PITPNM3: variants seen among roughly 807,000 people sequenced by gnomAD.
PITPNM3 encodes the protein PITPNM family member 3.
A neutral mutation model predicts 102.0 loss-of-function variants in PITPNM3; 26 were observed. The ratio of observed to expected loss-of-function variants is 0.25; its 90% CI spans 0.19 to 0.35. The LOEUF is 0.35. Among genes scored for constraint, PITPNM3 ranks in the 10% least tolerant of loss-of-function variants. The probability of loss-of-function intolerance (pLI) is 1.00; values close to 1 mark genes in which losing one functional copy is unlikely to be tolerated. For synonymous variants in PITPNM3, 578 were observed against 558.6 expected (o/e 1.03, Z -0.49); for missense variants, 1,083 against 1,346.1 (o/e 0.80, Z 3.06).
intron 1 of PITPNM3, among the ~76,000 whole-genome samples, chr17:6,540,212 T>C (rs1280640096): frequency 3.3e-5 from 5 of 152,198 alleles, no homozygotes; most frequent in African/African-American, 1.2e-4. Flanking sequence ...GGGCCTCTCA[T>C]TCCACAGACA....
chr17:6,548,403 G>A (rs1026735255), intron 1 of PITPNM3, among the ~76,000 whole-genome samples: 1 of 152,124 alleles, frequency 6.6e-6, no homozygotes, highest in Non-Finnish European at 1.5e-5. Flanking sequence ...CCCGAACTGG[G>A]CAGTAATGGG....
intron 1 of PITPNM3, among the ~76,000 whole-genome samples, chr17:6,543,938 A>T (rs1343953689): frequency 6.6e-6 from 1 of 152,206 alleles, no homozygotes; most frequent in Non-Finnish European, 1.5e-5. Flanking sequence ...TTTCCAAGGA[A>T]AGCTGGATCT....
rs59416469 is a variant in PITPNM3, at chr17:6,502,315, T to A, written c.274+1212A>T. Reference sequence around the variant, plus strand: ...CAAAAACACAAAAATTACCCGGGCATGGTGGCCGGCGCCTGTAATCCCAGC... The same window carrying A: ...CAAAAACACAAAAATTACCCGGGCAAGGTGGCCGGCGCCTGTAATCCCAGC... On this transcript the variant is annotated intron_variant, in intron 4 of 19. Coordinates refer to ENST00000262483, the MANE Select transcript of PITPNM3 (RefSeq NM_031220.4). 4.1e-4 allele frequency among the ~76,000 whole-genome samples: 63 copies of A among 152,164 alleles called. 1 individual carries two copies. The highest frequency in any genetic ancestry group is 1.5e-3 in the African/African-American group (61 of 41,510).
chr17:6,506,521 G>A lies in PITPNM3; in HGVS notation c.227-2947C>T, dbSNP rs182112291. On this transcript the variant is annotated intron_variant, in intron 3 of 19. Coordinates refer to ENST00000262483, the MANE Select transcript of PITPNM3 (RefSeq NM_031220.4). ...CAAGTAGCTGGGACTACAGGCACCC[G>A]CCACCACACCCGGCTAATTTTTGTA... is the stretch of plus-strand genomic sequence containing the variant. 9.3e-3 allele frequency among the ~76,000 whole-genome samples: 1,420 copies of A among 151,980 alleles called. 16 individuals are homozygous for A. The highest frequency in any genetic ancestry group is 0.033 in the African/African-American group (1,361 of 41,434).
In PITPNM3 at chr17:6,483,693, T is replaced by C; in HGVS notation, c.411A>G (p.Gly137=). 1 of 1,613,824 alleles carries C rather than the reference T, an allele frequency of 6.2e-7. No individual in the cohort carries two copies. The highest frequency in any genetic ancestry group is 8.5e-7 in the Non-Finnish European group (1 of 1,179,960). Residue 137 remains glycine (G), a synonymous_variant, in exon 6 of 20, where the codon GGA becomes GGG. Coordinates refer to ENST00000262483, the MANE Select transcript of PITPNM3 (RefSeq NM_031220.4). The stretch of plus-strand genomic sequence containing the variant: ...CCCCGGCACCCGTGTCCAGGATGTT[T>C]CCCCCATGCAGGACCAGCAGGAGGA... ...THVLLLVLHG[G]NILDTGAGDP...
intron 2 of PITPNM3, among the ~76,000 whole-genome samples, chr17:6,536,430 G>A (rs1909434061): frequency 6.6e-6 from 1 of 152,226 alleles, no homozygotes; most frequent in South Asian, 2.1e-4. Flanking sequence ...CTGTGGGTTA[G>A]TTGCTATGGA....
intron 1 of PITPNM3, among the ~76,000 whole-genome samples, chr17:6,546,765 G>A (rs546633316): frequency 5.1e-4 from 78 of 152,348 alleles, no homozygotes; most frequent in African/African-American, 1.9e-3. Context: ...AGCACTTTGG[G>A]AGGCGGAGGC....
In PITPNM3 at chr17:6,476,167, A is replaced by T. The variant is rs371090224; in HGVS notation, c.1085+862T>A. On this transcript the variant is annotated intron_variant, in intron 9 of 19. Transcript: ENST00000262483. ...AGATCACAATATAAAGGGTTTTTTT[A>T]AAATAAAACGATCTTAAAAGCATGT... is the stretch of plus-strand genomic sequence containing the variant. Among the ~76,000 whole-genome samples, 8 of 142,424 alleles carry T rather than the reference A, an allele frequency of 5.6e-5. No individual in the cohort carries two copies. In the East Asian group the frequency reaches 9.8e-4, roughly 18 times the overall value. The allele number at this position is 142,424 out of a possible 152,430, so 93.4% of individuals were successfully genotyped here. A position where few individuals can be genotyped will look rare whatever the true frequency, so the allele number is the denominator to read the frequency against.
intron 1 of PITPNM3, among the ~76,000 whole-genome samples, chr17:6,542,170 G>A (rs531616557): frequency 3.9e-5 from 6 of 152,322 alleles, no homozygotes; most frequent in African/African-American, 1.4e-4. Flanking sequence ...GGGGGCCCTA[G>A]CCCTGGGGGG....
intron 1 of PITPNM3, among the ~76,000 whole-genome samples, chr17:6,552,516 C>T (rs73975613): frequency 0.017 from 2,598 of 152,304 alleles, 68 homozygotes; most frequent in African/African-American, 0.058. Context: ...AGGGATCTGT[C>T]GAAACACAGT....
Position 6,539,588 on chromosome 17 carries a change from C to T in PITPNM3, c.23-1506G>A, listed in dbSNP as rs139370035. Among the ~76,000 whole-genome samples the T allele has an allele frequency of 1.4e-3, 207 of 152,076 alleles. 2 individuals carry two copies. The highest frequency in any genetic ancestry group is 4.2e-3 in the African/African-American group (173 of 41,508). ...ATGAACTGAAATTTGAAAATGATAA[C>T]GCCCTTTAAAATAGCGCACACAAAA... On this transcript the variant is annotated intron_variant, in intron 1 of 19. Coordinates refer to ENST00000262483, the MANE Select transcript of PITPNM3 (RefSeq NM_031220.4).
rs374352269 is a variant in PITPNM3 at position 6,474,678 on chromosome 17, C to T, written c.1086-74G>A. ...GAATGCGGGAGTGTTCACACAGCAG[C>T]GCAGCCTGAATTCTGAGCGTGAAGT... On this transcript the variant is annotated intron_variant, in intron 9 of 19. Coordinates refer to ENST00000262483, the MANE Select transcript of PITPNM3 (RefSeq NM_031220.4). The T allele has an allele frequency of 4.0e-5, 59 of 1,484,340 alleles. 3 individuals carry two copies. The Middle Eastern group carries it at 9.8e-4, about 25-fold the overall frequency. 91.9% of individuals were successfully genotyped at this position (1,484,340 alleles called of 1,614,324 possible).
At chr17:6,505,967 T>C (rs1444719702) in intron 3 of PITPNM3, among the ~76,000 whole-genome samples, 2 of 152,162 alleles carry the variant, frequency 1.3e-5, no homozygotes, top group Non-Finnish European at 2.9e-5. Flanking sequence ...GGAAAGGGCA[T>C]GGCATTCCAA....
At chr17:6,500,489 G>A (rs990533421) in intron 4 of PITPNM3, among the ~76,000 whole-genome samples, 1 of 152,142 alleles carries the variant, frequency 6.6e-6, no homozygotes, top group Non-Finnish European at 1.5e-5. Flanking sequence ...GTAGAATTAT[G>A]TGAAAAGGAG....
At position 6,483,594 on chromosome 17, in the gene PITPNM3, A is replaced by C. The variant is rs780332744; in HGVS notation, c.510T>G (p.Pro170=). 5 of 1,614,142 alleles carry C rather than the reference A, an allele frequency of 3.1e-6. No individual in the cohort carries two copies. In the Admixed American group the frequency reaches 5.0e-5, roughly 16 times the overall value. ...VLEKVTRAHF[P]AALGHILIKF... is the part of the protein sequence containing the mutation. ...TGATGAGGATGTGGCCCAGGGCAGC[A>C]GGGAAATGGGCTCGTGTGACCTTCT... is the stretch of plus-strand genomic sequence containing the variant. The change falls in exon 6 of 20, where the codon CCT becomes CCG. Residue 170 remains proline, a synonymous_variant. Transcript: ENST00000262483.
chr17:6,485,220 G>A (rs1360441510), intron 4 of PITPNM3, among the ~76,000 whole-genome samples: 7 of 149,194 alleles, frequency 4.7e-5, no homozygotes, highest in African/African-American at 1.7e-4. Flanking sequence ...GTGCAATGGT[G>A]CAATCTCGGC....
Position 6,472,892 on chromosome 17 carries a change from C to G in PITPNM3, c.1259-65G>C. On this transcript the variant is annotated intron_variant, in intron 10 of 19. Transcript: ENST00000262483. The surrounding 1 kb of genome is among the most constrained non-coding windows in gnomAD (Gnocchi z 4.1). ...TACCTGCTCCCTGGGCCCTAGGAGG[C>G]TCCCTGGAATGCAGCCTGGAGTAGC... 1 of 1,581,112 alleles carries G rather than the reference C, an allele frequency of 6.3e-7. No individual in the cohort carries two copies. Among genetic ancestry groups the G allele is most frequent in the Non-Finnish European group, 8.6e-7 (1 of 1,158,104 alleles).
intron 11 of PITPNM3, among the ~76,000 whole-genome samples, chr17:6,471,819 G>C (rs1319923412): frequency 1.3e-5 from 2 of 152,202 alleles, no homozygotes; most frequent in Non-Finnish European, 2.9e-5. Flanking sequence ...TCAGGGGAGG[G>C]AGGGGAGTCC....
chr17:6,455,229 G>A lies in PITPNM3; in HGVS notation c.*109C>T. On this transcript the variant is annotated 3_prime_UTR_variant, in exon 20 of 20. Coordinates refer to ENST00000262483, the MANE Select transcript of PITPNM3 (RefSeq NM_031220.4). ...GTCGGACACTGCTGGACAGACACGG[G>A]AGGGAAAAAGCAGGAAAACGCCTGT... The A allele has an allele frequency of 7.4e-7, 1 of 1,351,088 alleles. No individual in the cohort carries two copies. The highest frequency in any genetic ancestry group is 9.9e-7 in the Non-Finnish European group (1 of 1,011,512). The allele number at this position is 1,351,088 out of a possible 1,614,324, so 83.7% of individuals were successfully genotyped here.
Sources: gnomAD v4.1 joint callset for allele counts (sites outside exome capture counted in the v4.1 genomes callset) on GRCh38, gnomAD v4.1.1 for gene constraint, Gnocchi (gnomAD v3.1) non-coding constraint, MANE v1.5 for transcripts, NCBI Gene and HGNC (gene_info 2026-07-23, HGNC 2026-07-21) for gene names.